The following SPECC1L variants were observed in gnomAD, a reference collection of about 807,000 sequenced individuals.
SPECC1L encodes the protein cytospin-A.
In SPECC1L, 40 loss-of-function variants were observed where a neutral mutation model predicts 116.8. The observed-to-expected ratio is 0.34, with a 90% CI of 0.27 to 0.45. The LOEUF (loss-of-function observed/expected upper bound fraction) is 0.45. Ranked by LOEUF, SPECC1L falls within the 20% of genes least tolerant of loss-of-function variation. SPECC1L has a pLI of 1.00. For missense variants in SPECC1L, 1,110 were observed against 1,373.6 expected (o/e 0.81, Z 3.03); for synonymous variants, 504 against 500.6 (o/e 1.01, Z -0.09).
At chr22:24,313,685 C>G (rs546478540) in intron 4 of SPECC1L, among the ~76,000 whole-genome samples, 10 of 151,772 alleles carry the variant, frequency 6.6e-5, no homozygotes, top group Admixed American at 6.6e-4. Flanking sequence ...GAAGCAGATT[C>G]TGGACATCAT....
In SPECC1L at chr22:24,365,698, C is replaced by G. The variant is rs1191779832; in HGVS notation, c.2984+66C>G. 6 of 1,570,538 alleles carry G rather than the reference C, an allele frequency of 3.8e-6. No homozygotes were observed. In the Admixed American group the frequency reaches 6.7e-5, roughly 17 times the overall value. On this transcript the variant is annotated intron_variant, in intron 13 of 16. Coordinates refer to ENST00000314328, the MANE Select transcript of SPECC1L (RefSeq NM_015330.6). ...TCCTGGCCTTTTGACAGTAAATGAT[C>G]AAGTTGTAAAATGATGGCATTTGAG... is the stretch of plus-strand genomic sequence containing the variant.
In SPECC1L at chr22:24,383,032, A is replaced by G. The variant is rs62233980; in HGVS notation, c.3087+13712A>G. Among the ~76,000 whole-genome samples, 1,181 of 152,344 alleles carry G rather than the reference A, an allele frequency of 7.8e-3. 8 individuals carry two copies. Among genetic ancestry groups the G allele is most frequent in the South Asian group, 0.024 (117 of 4,832 alleles). On this transcript the variant is annotated intron_variant, in intron 14 of 16. Coordinates refer to ENST00000314328, the MANE Select transcript of SPECC1L (RefSeq NM_015330.6). ...ACTTAAGCACAGTTTTTGTTCTTAC[A>G]GGAGTAGGTAGACAAAAAAATTAGA...
chr22:24,377,079 T>C (rs2041985699), intron 14 of SPECC1L, among the ~76,000 whole-genome samples: 1 of 152,180 alleles, frequency 6.6e-6, no homozygotes, highest in South Asian at 2.1e-4. Context: ...TTATGGACAT[T>C]TCCTATAAAT....
intron 11 of SPECC1L, among the ~76,000 whole-genome samples, chr22:24,361,825 A>C (rs1173825860): frequency 1.3e-5 from 2 of 151,854 alleles, no homozygotes; most frequent in Non-Finnish European, 2.9e-5. Flanking sequence ...AAAAAAACAA[A>C]AAACGAGAGA....
At chr22:24,392,639 G>A (rs548187485) in intron 14 of SPECC1L, among the ~76,000 whole-genome samples, 3 of 152,254 alleles carry the variant, frequency 2.0e-5, no homozygotes, top group African/African-American at 7.2e-5. Flanking sequence ...AACATAGGGC[G>A]GGAGAGAGAG....
At chr22:24,376,296 G>T (rs1394305508) in intron 14 of SPECC1L, among the ~76,000 whole-genome samples, 1 of 152,170 alleles carries the variant, frequency 6.6e-6, no homozygotes, top group Non-Finnish European at 1.5e-5. Context: ...GAGTAGCTGG[G>T]ACTACAGGTG....
chr22:24,334,509 G>A lies in SPECC1L; in HGVS notation c.2496G>A (p.Ser832=), dbSNP rs143996742. 2.5e-6 allele frequency: 4 copies of A among 1,614,000 alleles called. No homozygotes were observed. The highest frequency in any genetic ancestry group is 1.7e-5 in the Admixed American group (1 of 60,004). The part of the protein sequence containing the change: ...RQGMGLSRRS[S]TSSEPTPTVK... ...GAATGGGACTGAGTAGAAGGTCCTCGACTTCCTCAGAGCCAACTCCTACAG... is the reference window on the plus strand; with the variant it reads ...GAATGGGACTGAGTAGAAGGTCCTCAACTTCCTCAGAGCCAACTCCTACAG... The change falls in exon 9 of 17, where the codon TCG becomes TCA. Residue 832 remains serine (S), a synonymous_variant. Transcript: ENST00000314328.
chr22:24,299,357 A>G (rs1004039409), intron 2 of SPECC1L, among the ~76,000 whole-genome samples: 2 of 152,110 alleles, frequency 1.3e-5, no homozygotes, highest in African/African-American at 4.8e-5. Context: ...GGATCCATTG[A>G]GCTTGGAAGG....
intron 1 of SPECC1L, among the ~76,000 whole-genome samples, chr22:24,276,350 T>C (rs1360951997): frequency 6.6e-6 from 1 of 152,174 alleles, no homozygotes; most frequent in African/African-American, 2.4e-5. Flanking sequence ...GGGGATCTCC[T>C]GAGTCCAGGT....
In SPECC1L at chr22:24,398,218, G is replaced by A. The variant is rs114981876; in HGVS notation, c.3088-13370G>A. ...AGGTGGAATCAACACCATCTCAGGG[G>A]CAAAGAGCAGGGATCGGGGGAGAAG... On this transcript the variant is annotated intron_variant, in intron 14 of 16. Transcript: ENST00000314328. Among the ~76,000 whole-genome samples the A allele has an allele frequency of 7.6e-3, 1,161 of 152,342 alleles. 12 individuals are homozygous for A. The highest frequency in any genetic ancestry group is 0.026 in the African/African-American group (1,089 of 41,590).
rs1569400467 is a variant in SPECC1L, at chr22:24,279,386, G to A, written c.-38+2583G>A. Among the ~76,000 whole-genome samples, 12 of 152,118 alleles carry A rather than the reference G, an allele frequency of 7.9e-5. No individual in the cohort carries two copies. The South Asian group carries it at 2.5e-3, about 32-fold the overall frequency. The stretch of plus-strand genomic sequence containing the variant: ...TGATTTTTAAAAAAAATTTGACTTT[G>A]TTTACTTTTTATTTTATTTTAATTT... On this transcript the variant is annotated intron_variant, in intron 2 of 16. Coordinates refer to ENST00000314328, the MANE Select transcript of SPECC1L (RefSeq NM_015330.6).
intron 2 of SPECC1L, among the ~76,000 whole-genome samples, chr22:24,298,456 T>TAA (rs1039614818): frequency 6.6e-6 from 1 of 152,178 alleles, no homozygotes; most frequent in Non-Finnish European, 1.5e-5. Flanking sequence ...ATTCTATATA[T>TAA]AACAAGATCC....
At chr22:24,407,017 G>C (rs1005620341) in intron 14 of SPECC1L, among the ~76,000 whole-genome samples, 16 of 152,314 alleles carry the variant, frequency 1.1e-4, no homozygotes, top group African/African-American at 3.8e-4. Context: ...CTCTGTGGAT[G>C]GGGGAGGAAG....
At chr22:24,363,818 C>T (rs1362027470) in intron 12 of SPECC1L, among the ~76,000 whole-genome samples, 1 of 149,846 alleles carries the variant, frequency 6.7e-6, no homozygotes, top group Non-Finnish European at 1.5e-5. Context: ...TATTTGTGCC[C>T]TCTGGATCTT....
intron 2 of SPECC1L, among the ~76,000 whole-genome samples, chr22:24,279,095 A>G (rs1277928835): frequency 6.6e-6 from 1 of 152,218 alleles, no homozygotes; most frequent in Non-Finnish European, 1.5e-5. Flanking sequence ...TTCCAGGCCC[A>G]TTCAAGAGTC....
chr22:24,327,888 A>G lies in SPECC1L; in HGVS notation c.2147-958A>G, dbSNP rs552626310. ...CATGGTACAAGGCTGTGTAAGACAC[A>G]CTTGGAACACACACAACAGCCAGGG... is the stretch of plus-strand genomic sequence containing the variant. On this transcript the variant is annotated intron_variant, in intron 6 of 16. Coordinates refer to ENST00000314328, the MANE Select transcript of SPECC1L (RefSeq NM_015330.6). 3.3e-5 allele frequency among the ~76,000 whole-genome samples: 5 copies of G among 152,330 alleles called. No individual in the cohort carries two copies. The South Asian group carries it at 1.0e-3, about 32-fold the overall frequency.
chr22:24,290,495 TAA>T (rs1447925969), intron 2 of SPECC1L, among the ~76,000 whole-genome samples: 17 of 152,384 alleles, frequency 1.1e-4, no homozygotes, highest in Non-Finnish European at 1.0e-4. Context: ...TACTGTCTTA[TAA>T]AAACAAGCAT....
intron 13 of SPECC1L, among the ~76,000 whole-genome samples, chr22:24,366,024 G>T (rs769716684): frequency 2.0e-5 from 3 of 152,036 alleles, no homozygotes; most frequent in Non-Finnish European, 2.9e-5. Context: ...AGTAACTTGA[G>T]GGGATGCACC....
At position 24,270,872 on chromosome 22, in the gene SPECC1L, G is replaced by C. The variant is rs975739759; in HGVS notation, c.-253G>C. The C allele has an allele frequency of 1.3e-5, 2 of 152,406 alleles. No individual in the cohort carries two copies. Among genetic ancestry groups the C allele is most frequent in the African/African-American group, 4.8e-5 (2 of 41,452 alleles). The allele number at this position is 152,406 out of a possible 1,614,324, so 9.4% of individuals were successfully genotyped here. A position where few individuals can be genotyped will look rare whatever the true frequency, so the allele number is the denominator to read the frequency against. ...GGGCGGCCCGGCAAGCGGCGCTGCG[G>C]GGTAGGCTGCTTTCCTGAGGCCGGA... On this transcript the variant is annotated 5_prime_UTR_variant, in exon 1 of 17. Transcript: ENST00000314328.
Sources: allele counts gnomAD v4.1 joint callset (sites outside exome capture counted in the v4.1 genomes callset), GRCh38; gene constraint gnomAD v4.1.1; transcripts MANE v1.5; gene names NCBI Gene and HGNC (gene_info 2026-07-23, HGNC 2026-07-21).